The following NF1 variants were observed in gnomAD, a reference collection of about 807,000 sequenced individuals.
The protein encoded by NF1 is neurofibromin 1.
NF1 carries 122 observed loss-of-function variants against 325.7 expected under a neutral mutation model. That is an observed-to-expected ratio of 0.37 (90% CI 0.32 to 0.44). The LOEUF (loss-of-function observed/expected upper bound fraction) is 0.44, where lower values mean the gene tolerates loss of function less well. Ranked by LOEUF, NF1 falls within the 20% of genes least tolerant of loss-of-function variation. NF1 has a pLI of 1.00. For missense variants in NF1, 2,140 were observed against 3,415.4 expected (o/e 0.63, Z 9.31); for synonymous variants, 1,091 against 1,186.0 (o/e 0.92, Z 1.65).
intron 31 of NF1, chr17:31,253,914 T>C (rs2067535017): frequency 6.6e-6 from 1 of 152,160 alleles, no homozygotes; most frequent in African/African-American, 2.4e-5. Flanking sequence ...GGGTGTAATT[T>C]AGAATACAGT....
intron 1 of NF1, among the ~76,000 whole-genome samples, chr17:31,097,390 G>A (rs1205805932): frequency 6.6e-6 from 1 of 150,450 alleles, no homozygotes; most frequent in Non-Finnish European, 1.5e-5. Flanking sequence ...TCCGGGAGGT[G>A]GAGGTTGCAG....
At chr17:31,340,341 T>A in intron 46 of NF1, 164 bp from the exon 47 acceptor site, 1 of 790,202 alleles carries the variant, frequency 1.3e-6, no homozygotes, top group Non-Finnish European at 2.0e-6. Context: ...TCTTTAGTTA[T>A]ACATATGGAA....
chr17:31,258,621 G>A lies in NF1; in HGVS notation c.4332+119G>A. The A allele has an allele frequency of 2.7e-6, 3 of 1,097,440 alleles. No homozygotes were observed. In the South Asian group the frequency reaches 4.2e-5, roughly 15 times the overall value. 68.0% of individuals were successfully genotyped at this position (1,097,440 alleles called of 1,614,324 possible). A position where few individuals can be genotyped will look rare whatever the true frequency, so the allele number is the denominator to read the frequency against. On this transcript the variant is annotated intron_variant, in intron 32 of 57. Transcript: ENST00000358273. ...AATACCCTATGGTTTTCAGTTATGT[G>A]CTTTTGTTTTATTTGTTTATATTAC... is the stretch of plus-strand genomic sequence containing the variant.
chr17:31,341,409 A>G (rs1266969667), intron 47 of NF1, among the ~76,000 whole-genome samples: 2 of 152,016 alleles, frequency 1.3e-5, no homozygotes, highest in African/African-American at 2.4e-5. Flanking sequence ...CTACAATCCC[A>G]GCTACTCGGG....
intron 8 of NF1, chr17:31,182,953 A>C (rs889108726): frequency 3.4e-6 from 2 of 589,774 alleles, no homozygotes; most frequent in African/African-American, 3.7e-5. Context: ...TATTAAACGT[A>C]GTTTCTCTAA....
chr17:31,330,520 T>C (rs993538271), intron 39 of NF1, 22 bp downstream of exon 39: 3 of 1,500,946 alleles, frequency 2.0e-6, no homozygotes, highest in Non-Finnish European at 2.8e-6. Context: ...TAATTTTCTT[T>C]AATACTAACA....
chr17:31,117,128 T>G (rs947363344), intron 1 of NF1, among the ~76,000 whole-genome samples: 1 of 151,884 alleles, frequency 6.6e-6, no homozygotes. Flanking sequence ...ACTACAGGCG[T>G]GCCGCCACGC....
rs1172780277 is a variant in NF1, at chr17:31,261,788, A to G, written c.4655A>G (p.Lys1552Arg). ...LLAYLGPPEH[K>R]PVADTHWSSL... ...GCATACCTGGGTCCTCCAGAGCACA[A>G]ACCTGTGGCAGATACACACTGGTCC... The change falls in exon 35 of 58, where the codon AAA becomes AGA. Residue 1552 changes from lysine to arginine, a missense_variant. Coordinates refer to ENST00000358273, the MANE Select transcript of NF1 (RefSeq NM_001042492.3). 1 of 1,612,592 alleles carries G rather than the reference A, an allele frequency of 6.2e-7. No homozygotes were observed. Among genetic ancestry groups the G allele is most frequent in the African/African-American group, 1.3e-5 (1 of 74,874 alleles).
At chr17:31,294,778 A>C (rs1597789901) in intron 36 of NF1, 2 of 571,358 alleles carry the variant, frequency 3.5e-6, no homozygotes, top group East Asian at 6.1e-5. Flanking sequence ...TTTTTATAAA[A>C]GAAACTCATT....
chr17:31,349,742 G>A lies in NF1; in HGVS notation c.7322-441G>A, dbSNP rs17885323. Among the ~76,000 whole-genome samples the A allele has an allele frequency of 7.9e-4, 120 of 152,184 alleles. No individual in the cohort carries two copies. In the Middle Eastern group the frequency reaches 0.01, roughly 13 times the overall value. ...GCCCTATCCCCACCATTCCATTAAA[G>A]CTTCCTATTTGCTCTTATCTGATTT... On this transcript the variant is annotated intron_variant, in intron 49 of 57. Transcript: ENST00000358273.
At chr17:31,248,182 A>G (rs1162086966) in intron 29 of NF1, among the ~76,000 whole-genome samples, 9 of 151,784 alleles carry the variant, frequency 5.9e-5, no homozygotes, top group Admixed American at 5.2e-4. Context: ...AGCCTGGGCA[A>G]CGAGAGTGAA....
chr17:31,201,331 G>C (rs2143883542), intron 10 of NF1, 80 bp from the exon 11 acceptor site: 1 of 1,451,976 alleles, frequency 6.9e-7, no homozygotes, highest in South Asian at 1.2e-5. Context: ...CTTTCTATTT[G>C]CTGTTCTTTT....
intron 57 of NF1, among the ~76,000 whole-genome samples, chr17:31,368,987 G>A: frequency 6.6e-6 from 1 of 152,160 alleles, no homozygotes; most frequent in East Asian, 1.9e-4. Flanking sequence ...GGTGGCAGGA[G>A]ATTTCAGTTT....
chr17:31,309,816 C>T (rs966368543), intron 36 of NF1, among the ~76,000 whole-genome samples: 4 of 152,116 alleles, frequency 2.6e-5, no homozygotes, highest in Non-Finnish European at 5.9e-5. Flanking sequence ...TGGAACCCTC[C>T]ATGTATGAGA....
At chr17:31,311,846 G>A (rs2068885238) in intron 36 of NF1, among the ~76,000 whole-genome samples, 2 of 152,122 alleles carry the variant, frequency 1.3e-5, no homozygotes. Flanking sequence ...TCATAGAAAA[G>A]TTATGAAATA....
chr17:31,237,701 A>G (rs1003197070), intron 29 of NF1, among the ~76,000 whole-genome samples: 1 of 128,758 alleles, frequency 7.8e-6, no homozygotes, highest in African/African-American at 3.1e-5. Context: ...ATAATACATT[A>G]TTACGGATTT....
At chr17:31,217,386 T>C (rs549807276) in intron 13 of NF1, among the ~76,000 whole-genome samples, 1 of 151,720 alleles carries the variant, frequency 6.6e-6, no homozygotes, top group African/African-American at 2.4e-5. Flanking sequence ...ATCTCAGCTC[T>C]CTGCAACCTC....
At chr17:31,173,056 C>T (rs914775500) in intron 5 of NF1, among the ~76,000 whole-genome samples, 49 of 151,330 alleles carry the variant, frequency 3.2e-4, no homozygotes, top group African/African-American at 1.2e-3. Context: ...CTAAGGTGGG[C>T]GGATCACTGA....
chr17:31,252,028 G>A (rs1222051425), intron 30 of NF1: 3 of 207,770 alleles, frequency 1.4e-5, no homozygotes, highest in African/African-American at 6.9e-5. Context: ...CCAATCAAGA[G>A]TCTTTTAATT....
Sources: gnomAD v4.1 joint callset for allele counts (sites outside exome capture counted in the v4.1 genomes callset) on GRCh38, gnomAD v4.1.1 for gene constraint, MANE v1.5 for transcripts, NCBI Gene and HGNC (gene_info 2026-07-23, HGNC 2026-07-21) for gene names.